VWDE: variants seen among roughly 807,000 people sequenced by gnomAD.
The protein encoded by VWDE is von Willebrand factor D and EGF domain-containing protein.
Under a neutral mutation model 178.4 loss-of-function variants are expected in VWDE, and 207 were observed. The ratio of observed to expected loss-of-function variants is 1.16; its 90% CI spans 1.04 to 1.30. VWDE has a LOEUF of 1.30. Ranked by LOEUF, VWDE falls within the 50% of genes most tolerant of loss-of-function variation. The pLI is 0.00. For synonymous variants in VWDE, 738 were observed against 651.4 expected, an observed-to-expected ratio of 1.13 and a Z score of -2.02; for missense variants, 2,287 against 1,901.3, an observed-to-expected ratio of 1.20 and a Z score of -3.77.
intron 28 of VWDE, 50 bp downstream of exon 28, chr7:12,333,415 A>C: frequency 8.8e-7 from 1 of 1,141,416 alleles, no homozygotes; most frequent in Non-Finnish European, 1.3e-6. Context: ...TAGAAGAGAT[A>C]TGCAAATGTC....
chr7:12,367,243 G>T, intron 13 of VWDE, 114 bp downstream of exon 13: 1 of 763,794 alleles, frequency 1.3e-6, no homozygotes, highest in Non-Finnish European at 1.9e-6. Flanking sequence ...CAGCTCTCTA[G>T]ATATAATATC....
At chr7:12,365,681 G>C (rs529249765) in intron 13 of VWDE, among the ~76,000 whole-genome samples, 2 of 152,100 alleles carry the variant, frequency 1.3e-5, no homozygotes, top group South Asian at 4.1e-4. Flanking sequence ...GTAGGGTTGG[G>C]GATCCTAAAA....
At position 12,380,699 on chromosome 7, in the gene VWDE, TGCAGGTGGAGGTGGCAATGAG is replaced by T; in HGVS notation, c.555_575del (p.Ser186_Ala192del). Reference sequence around the variant, plus strand: ...ACTCCACCAGAACCTCTGGCCTTCCTGCAGGTGGAGGTGGCAATGAGGCAGCCAGCTGACCTGGGGAGAAAA... The same window carrying T: ...ACTCCACCAGAACCTCTGGCCTTCCTGCAGCCAGCTGACCTGGGGAGAAAA... On this transcript the variant is annotated inframe_deletion, in exon 5 of 29. Transcript: ENST00000275358. The T allele has an allele frequency of 1.9e-6, 3 of 1,551,902 alleles. No homozygotes were observed. Among genetic ancestry groups the T allele is most frequent in the Non-Finnish European group, 2.6e-6 (3 of 1,147,028 alleles).
At chr7:12,398,341 G>C (rs888986671) in intron 1 of VWDE, among the ~76,000 whole-genome samples, 1 of 152,070 alleles carries the variant, frequency 6.6e-6, no homozygotes, top group Non-Finnish European at 1.5e-5. Context: ...GAAACCATCA[G>C]GCCTCCCAGA....
chr7:12,341,138 T>C (rs1486608240), intron 23 of VWDE, among the ~76,000 whole-genome samples: 1 of 151,990 alleles, frequency 6.6e-6, no homozygotes, highest in Non-Finnish European at 1.5e-5. Context: ...TTTTTTATAA[T>C]TTTATAATTT....
chr7:12,389,701 T>A (rs1459265958), intron 2 of VWDE, among the ~76,000 whole-genome samples: 3 of 152,326 alleles, frequency 2.0e-5, no homozygotes, highest in African/African-American at 7.2e-5. Context: ...AATCTGAAGT[T>A]ATGTTAACAC....
At chr7:12,332,284 G>C (rs1780767147) in intron 28 of VWDE, among the ~76,000 whole-genome samples, 1 of 152,048 alleles carries the variant, frequency 6.6e-6, no homozygotes, top group East Asian at 1.9e-4. Context: ...AGGACATATT[G>C]TCCTCATGCT....
At chr7:12,359,427 T>C in intron 16 of VWDE, 151 bp downstream of exon 16, 5 of 537,812 alleles carry the variant, frequency 9.3e-6, no homozygotes, top group South Asian at 8.2e-5. Flanking sequence ...ATAAATATCC[T>C]ATACCCTCAA....
chr7:12,359,699 G>T lies in VWDE; in HGVS notation c.3160-7C>A, dbSNP rs1341265051. The T allele has an allele frequency of 1.3e-6, 2 of 1,507,026 alleles. No individual in the cohort carries two copies. Among genetic ancestry groups the T allele is most frequent in the Admixed American group, 4.3e-5 (2 of 46,028 alleles). 93.4% of individuals were successfully genotyped at this position (1,507,026 alleles called of 1,614,324 possible). ...CAATAATGCAAACATTTTCCTAATG[G>T]AAAATTTTTAAAAAAGAAAACATCA... On this transcript the variant is annotated splice_polypyrimidine_tract_variant and splice_region_variant and intron_variant, in intron 15 of 28. Coordinates refer to ENST00000275358, the MANE Select transcript of VWDE (RefSeq NM_001135924.3).
Position 12,389,257 on chromosome 7 carries a change from T to G in VWDE, c.345A>C (p.Thr115=). ...GEIKQLTACA[T]WQFLFSTTKD... is the part of the protein sequence containing the mutation. ...TTGTAGTGCTGAACAAAAACTGCCA[T>G]GTTGCACAAGCTGTCAATTGCTTGA... The change falls in exon 3 of 29, where the codon ACA becomes ACC. Residue 115 remains threonine, a synonymous_variant. Coordinates refer to ENST00000275358, the MANE Select transcript of VWDE (RefSeq NM_001135924.3). 6.4e-7 allele frequency: 1 copy of G among 1,551,732 alleles called. No homozygotes were observed. The highest frequency in any genetic ancestry group is 8.7e-7 in the Non-Finnish European group (1 of 1,146,996).
intron 28 of VWDE, among the ~76,000 whole-genome samples, chr7:12,332,349 G>C (rs1780771111): frequency 1.3e-5 from 2 of 151,972 alleles, no homozygotes; most frequent in South Asian, 4.2e-4. Context: ...TTTCCCCTTA[G>C]TGTGATTTTA....
intron 10 of VWDE, 145 bp from the exon 11 acceptor site, chr7:12,371,009 C>A: frequency 4.2e-6 from 3 of 716,960 alleles, no homozygotes. Context: ...TTGACTACAA[C>A]TTTCCTCTTA....
At chr7:12,373,930 T>A (rs1367477151) in intron 9 of VWDE, among the ~76,000 whole-genome samples, 1 of 152,180 alleles carries the variant, frequency 6.6e-6, no homozygotes, top group Non-Finnish European at 1.5e-5. Flanking sequence ...TCTTAACACC[T>A]GTTGACACCA....
Position 12,367,480 on chromosome 7 carries a change from T to A in VWDE, c.2775A>T (p.Glu925Asp), listed in dbSNP as rs1433279079. The A allele has an allele frequency of 6.6e-7, 1 of 1,513,762 alleles. No individual in the cohort carries two copies. The allele number at this position is 1,513,762 out of a possible 1,614,324, so 93.8% of individuals were successfully genotyped here. A position where few individuals can be genotyped will look rare whatever the true frequency, so the allele number is the denominator to read the frequency against. ...DCSDSYDKAPEITELGNAGFC... is the reference protein window; with the variant it reads ...DCSDSYDKAPDITELGNAGFC... ...ATCCAGCATTCCCAAGCTCTGTAAT[T>A]TCAGGAGCTTTGTCTTTGGAAAAAA... The change falls in exon 13 of 29, where the codon GAA (glutamate) becomes GAT (aspartate). Residue 925 changes from glutamate (E) to aspartate (D), a missense_variant. Glu to Asp is a conservative substitution (Grantham distance 45). Coordinates refer to ENST00000275358, the MANE Select transcript of VWDE (RefSeq NM_001135924.3).
intron 24 of VWDE, among the ~76,000 whole-genome samples, chr7:12,339,729 C>T (rs2128545849): frequency 6.6e-6 from 1 of 152,144 alleles, no homozygotes; most frequent in African/African-American, 2.4e-5. Flanking sequence ...GTAGAAAATA[C>T]ACATTACATA....
intron 10 of VWDE, among the ~76,000 whole-genome samples, chr7:12,371,342 T>C (rs1002801908): frequency 6.6e-5 from 10 of 152,118 alleles, no homozygotes; most frequent in African/African-American, 2.4e-4. Flanking sequence ...AGCTAAATTA[T>C]AACTAGAAGG....
Position 12,342,064 on chromosome 7 carries a change from C to G in VWDE, c.4265G>C (p.Ser1422Thr). ...CKPGWYGPTC[S>T]TALCDPVCLN... ...GAAAATATTTCCAATTTTACCTGTA[C>G]TACAGGTGGGTCCATACCAGCCAGG... is the stretch of plus-strand genomic sequence containing the variant. Residue 1422 changes from serine to threonine, a missense_variant, in exon 23 of 29, where the codon AGT becomes ACT. Ser to Thr is a moderately conservative substitution (Grantham distance 58). Coordinates refer to ENST00000275358, the MANE Select transcript of VWDE (RefSeq NM_001135924.3). 2 of 1,549,508 alleles carry G rather than the reference C, an allele frequency of 1.3e-6. No individual in the cohort carries two copies. The highest frequency in any genetic ancestry group is 1.7e-6 in the Non-Finnish European group (2 of 1,145,200).
Position 12,370,337 on chromosome 7 carries a change from T to C in VWDE, c.1969A>G (p.Ser657Gly), listed in dbSNP as rs749624082. The change falls in exon 12 of 29, where the codon AGC becomes GGC. Residue 657 changes from serine to glycine, a missense_variant. Physicochemically the swap from Ser to Gly is moderately conservative, Grantham distance 56 (BLOSUM62 0). Coordinates refer to ENST00000275358, the MANE Select transcript of VWDE (RefSeq NM_001135924.3). Reference protein sequence around the residue: ...ALGCKDLNHVSLSSLIPELDV... With the variant: ...ALGCKDLNHVGLSSLIPELDV... ...AGTTCTGGTATCAAAGAAGATAAGC[T>C]GACATGATTGAGGTCTTTGCAACCC... The C allele has an allele frequency of 4.8e-5, 74 of 1,551,194 alleles. No individual in the cohort carries two copies. Among genetic ancestry groups the C allele is most frequent in the Admixed American group, 5.9e-5 (3 of 50,958 alleles).
rs1435322186 is a variant in VWDE, at chr7:12,388,981, A to G, written c.475+146T>C. 6 of 762,902 alleles carry G rather than the reference A, an allele frequency of 7.9e-6. No individual in the cohort carries two copies. The East Asian group carries it at 1.6e-4, about 20-fold the overall frequency. The allele number at this position is 762,902 out of a possible 1,614,324, so 47.3% of individuals were successfully genotyped here. ...CCCTAAAGAAATTTGACCAATGTAAACAGAAATTTAGCTTCAATCTAGCAA... is the reference window on the plus strand; with the variant it reads ...CCCTAAAGAAATTTGACCAATGTAAGCAGAAATTTAGCTTCAATCTAGCAA... On this transcript the variant is annotated intron_variant, in intron 3 of 28. Coordinates refer to ENST00000275358, the MANE Select transcript of VWDE (RefSeq NM_001135924.3).
Sources: gnomAD v4.1 joint callset for allele counts (sites outside exome capture counted in the v4.1 genomes callset) on GRCh38, gnomAD v4.1.1 for gene constraint, MANE v1.5 for transcripts, NCBI Gene and HGNC (gene_info 2026-07-23, HGNC 2026-07-21) for gene names.